The following DPP6 variants were observed in gnomAD, a reference collection of about 807,000 sequenced individuals.
The protein encoded by DPP6 is dipeptidyl peptidase like 6.
Under a neutral mutation model 122.6 loss-of-function variants are expected in DPP6, and 69 were observed. That is an observed-to-expected ratio of 0.56 (90% confidence interval 0.46 to 0.69). The LOEUF is 0.69. DPP6 is among the 30% of genes least tolerant of loss of function. The probability of loss-of-function intolerance (pLI) is 0.00; values close to 1 mark genes in which losing one functional copy is unlikely to be tolerated. For missense variants in DPP6, 928 were observed against 1,116.9 expected (o/e 0.83, Z 2.41); for synonymous variants, 418 against 433.1 (o/e 0.97, Z 0.43).
chr7:154,253,555 C>T (rs1383420037), intron 1 of DPP6, among the ~76,000 whole-genome samples: 2 of 152,110 alleles, frequency 1.3e-5, no homozygotes, highest in Non-Finnish European at 2.9e-5. Context: ...TCACATATCA[C>T]GATTTTTAAA....
upstream of DPP6, among the ~76,000 whole-genome samples, chr7:153,886,369 C>T (rs1798913508): frequency 6.6e-6 from 1 of 152,170 alleles, no homozygotes; most frequent in South Asian, 2.1e-4. Context: ...GTCAACCCGC[C>T]TCTTGGGGTG....
intron 5 of DPP6, among the ~76,000 whole-genome samples, chr7:154,592,471 C>T (rs1034456062): frequency 6.6e-6 from 1 of 152,296 alleles, no homozygotes; most frequent in Non-Finnish European, 1.5e-5. Context: ...TGGACAGAGC[C>T]GGGGAAGCCC....
At chr7:153,889,431 G>C (rs1474880541) in intron 1 of DPP6, among the ~76,000 whole-genome samples, 1 of 152,070 alleles carries the variant, frequency 6.6e-6, no homozygotes, top group East Asian at 1.9e-4. Flanking sequence ...TGTATATTTA[G>C]GGCTGAGGCT....
At chr7:153,875,924 C>CA in the DPP6 span, among the ~76,000 whole-genome samples, 108,535 of 126,884 alleles carry the variant, frequency 0.86, 46,334 homozygotes, top group Admixed American at 0.89. Flanking sequence ...ATATGAGGAC[C>CA]AAAAAAAAAA....
chr7:154,283,714 C>A (rs570388118), intron 1 of DPP6, among the ~76,000 whole-genome samples: 1 of 152,162 alleles, frequency 6.6e-6, no homozygotes, highest in Non-Finnish European at 1.5e-5. Context: ...TAAATTGAAG[C>A]TTGGATGGGC....
intron 1 of DPP6, among the ~76,000 whole-genome samples, chr7:154,410,268 G>A (rs1443749329): frequency 6.6e-6 from 1 of 152,192 alleles, no homozygotes; most frequent in Non-Finnish European, 1.5e-5. Flanking sequence ...GACTTGAAGG[G>A]TTTATTTAGA....
At chr7:154,348,156 A>G (rs1810554068) in intron 1 of DPP6, among the ~76,000 whole-genome samples, 1 of 151,904 alleles carries the variant, frequency 6.6e-6, no homozygotes, top group South Asian at 2.1e-4. Context: ...TATGTAACAC[A>G]CCTCAGGTGG....
chr7:154,156,936 T>C (rs1295819797), intron 1 of DPP6, among the ~76,000 whole-genome samples: 4 of 152,280 alleles, frequency 2.6e-5, no homozygotes, highest in African/African-American at 9.6e-5. Flanking sequence ...GGGAGGTATA[T>C]ATTGGTGCTA....
At chr7:154,234,338 T>G (rs1353552764) in intron 1 of DPP6, among the ~76,000 whole-genome samples, 1 of 152,200 alleles carries the variant, frequency 6.6e-6, no homozygotes, top group East Asian at 1.9e-4. Context: ...TCAGTGATGA[T>G]AAGACACTCC....
chr7:153,757,721 G>A, the DPP6 span, among the ~76,000 whole-genome samples: 1 of 152,182 alleles, frequency 6.6e-6, no homozygotes, highest in Non-Finnish European at 1.5e-5. Context: ...ACTTTGGGAG[G>A]CCGAGGTAGG....
Position 154,889,517 on chromosome 7 carries a change from A to ATT in DPP6, c.2439_2440dup (p.Tyr814PhefsTer42). ...ACACAACTAATTAGGGGAAAGGCTA[A>ATT]TTACAGCTTACAGGTACAGTACGCA... On this transcript the variant is annotated frameshift_variant, in exon 25 of 26. Transcript: ENST00000377770. LOFTEE classifies it high-confidence loss of function. 1 of 1,609,510 alleles carries ATT rather than the reference A, an allele frequency of 6.2e-7. No homozygotes were observed. The highest frequency in any genetic ancestry group is 8.5e-7 in the Non-Finnish European group (1 of 1,178,190).
chr7:154,815,702 T>C (rs1799382319), intron 16 of DPP6, among the ~76,000 whole-genome samples: 1 of 152,232 alleles, frequency 6.6e-6, no homozygotes, highest in African/African-American at 2.4e-5. Context: ...ATGGAATTAT[T>C]GCAGTCACTT....
intron 1 of DPP6, among the ~76,000 whole-genome samples, chr7:154,363,962 C>A (rs1811945276): frequency 6.6e-6 from 1 of 152,260 alleles, no homozygotes; most frequent in Non-Finnish European, 1.5e-5. Context: ...AAACAGCAAT[C>A]CTGCTTTTCC....
At chr7:154,570,517 C>T (rs149145742) in intron 5 of DPP6, among the ~76,000 whole-genome samples, 1 of 152,162 alleles carries the variant, frequency 6.6e-6, no homozygotes, top group African/African-American at 2.4e-5. Context: ...TGTATATTCT[C>T]TCCGAACCCC....
intron 1 of DPP6, among the ~76,000 whole-genome samples, chr7:154,406,469 GCACACGCATACA>G (rs1351634442): frequency 1.4e-5 from 2 of 147,934 alleles, no homozygotes; most frequent in African/African-American, 5.1e-5. Flanking sequence ...ACATGCACAC[GCACACGCATACA>G]CACACACACA....
At chr7:153,936,475 C>T (rs992212957) in intron 1 of DPP6, among the ~76,000 whole-genome samples, 1 of 152,060 alleles carries the variant, frequency 6.6e-6, no homozygotes, top group Admixed American at 6.5e-5. Context: ...TCTTCCCGCA[C>T]GTAGACAGAG....
intron 2 of DPP6, among the ~76,000 whole-genome samples, chr7:154,446,533 C>T (rs140784178): frequency 3.5e-4 from 54 of 152,262 alleles, no homozygotes; most frequent in African/African-American, 9.9e-4. Context: ...TTGTTTACTA[C>T]GTGGAAATGC....
intron 1 of DPP6, among the ~76,000 whole-genome samples, chr7:154,397,444 G>A (rs1042495802): frequency 5.3e-5 from 8 of 152,016 alleles, no homozygotes; most frequent in African/African-American, 1.2e-4. Flanking sequence ...TTCTAGAATC[G>A]TCCAATTGAT....
At chr7:154,702,893 A>G (rs1468123193) in intron 7 of DPP6, among the ~76,000 whole-genome samples, 1 of 152,188 alleles carries the variant, frequency 6.6e-6, no homozygotes, top group Non-Finnish European at 1.5e-5. Flanking sequence ...TCATAGCTAG[A>G]GAGGAAAATT....
Sources: allele counts gnomAD v4.1 joint callset (sites outside exome capture counted in the v4.1 genomes callset), GRCh38; gene constraint gnomAD v4.1.1; transcripts MANE v1.5; gene names NCBI Gene and HGNC (gene_info 2026-07-23, HGNC 2026-07-21).